The following QRFPR variants were observed in gnomAD, a reference collection of about 807,000 sequenced individuals.
The protein encoded by QRFPR is pyroglutamylated RFamide peptide receptor, also known as pyroglutamylated RF-amide peptide receptor.
A neutral mutation model predicts 31.3 loss-of-function variants in QRFPR; 37 were observed. The observed-to-expected ratio is 1.18, with a 90% CI of 0.91 to 1.56. The LOEUF is 1.56. Ranked by LOEUF, QRFPR falls within the 40% of genes most tolerant of loss-of-function variation. The pLI is 0.00. For synonymous variants in QRFPR, 197 were observed against 192.0 expected, an observed-to-expected ratio of 1.03 and a Z score of -0.22; for missense variants, 542 against 532.5, an observed-to-expected ratio of 1.02 and a Z score of -0.18.
chr4:121,378,560 C>T (rs1253409845), intron 1 of QRFPR, among the ~76,000 whole-genome samples: 3 of 151,860 alleles, frequency 2.0e-5, no homozygotes, highest in African/African-American at 2.4e-5. Flanking sequence ...ACTATAGGTG[C>T]GTGCCACGAT....
chr4:121,332,780 T>C, intron 4 of QRFPR, 41 bp downstream of exon 4: 1 of 1,472,358 alleles, frequency 6.8e-7, no homozygotes, highest in Non-Finnish European at 9.4e-7. Flanking sequence ...GCACAATTAA[T>C]TAAAAATAAT....
intron 1 of QRFPR, among the ~76,000 whole-genome samples, chr4:121,357,353 G>T (rs561746319): frequency 6.6e-6 from 1 of 152,096 alleles, no homozygotes; most frequent in East Asian, 1.9e-4. Context: ...AGTCAAGAAC[G>T]TAGGGGGTGG....
intron 1 of QRFPR, among the ~76,000 whole-genome samples, chr4:121,345,228 G>C (rs1482148416): frequency 6.6e-6 from 1 of 152,192 alleles, no homozygotes; most frequent in Non-Finnish European, 1.5e-5. Context: ...ATGGAAGAGA[G>C]GTTTGGGATG....
chr4:121,369,564 G>A (rs56778757), intron 1 of QRFPR: 25,603 of 1,609,948 alleles, frequency 0.016, 523 homozygotes, highest in East Asian at 0.11. Context: ...TCAGCCATTC[G>A]GTTGGCCTGG....
intron 1 of QRFPR, among the ~76,000 whole-genome samples, chr4:121,378,176 C>G (rs1726392379): frequency 6.6e-6 from 1 of 152,190 alleles, no homozygotes. Context: ...TACTAACACA[C>G]TTTATTCTCA....
At chr4:121,365,830 C>G (rs968572383) in intron 1 of QRFPR, among the ~76,000 whole-genome samples, 3 of 141,784 alleles carry the variant, frequency 2.1e-5, no homozygotes, top group Admixed American at 1.4e-4. Context: ...TTTTTTAAAA[C>G]CAAGCATGTA....
At chr4:121,359,426 G>A (rs1381864415) in intron 1 of QRFPR, among the ~76,000 whole-genome samples, 1 of 151,978 alleles carries the variant, frequency 6.6e-6, no homozygotes, top group Non-Finnish European at 1.5e-5. Context: ...TATAAAGCAG[G>A]CAGAAAAAAC....
At position 121,340,614 on chromosome 4, in the gene QRFPR, C is replaced by T. The variant is rs750332547; in HGVS notation, c.341-4G>A. ...ACCATCTTGCAAATGAAAGCACCTG[C>T]AGTAAGGAAATAGGACAAATCATAC... On this transcript the variant is annotated splice_region_variant and splice_polypyrimidine_tract_variant and intron_variant, in intron 1 of 5. Coordinates refer to ENST00000394427, the MANE Select transcript of QRFPR (RefSeq NM_198179.3). The T allele has an allele frequency of 6.2e-7, 1 of 1,612,506 alleles. No homozygotes were observed. Among genetic ancestry groups the T allele is most frequent in the African/African-American group, 1.3e-5 (1 of 74,832 alleles).
In QRFPR at chr4:121,329,510, A is replaced by T. The variant is rs1404226240; in HGVS notation, c.1100T>A (p.Ile367Asn). ...SPAQRHGNSG[I>N]TMMRKKAKFS... ...CTTTGCTTTCTTCCGCATCATTGTAATTCCTGAATTTCCATGCCTTTGTGC... is the reference window on the plus strand; with the variant it reads ...CTTTGCTTTCTTCCGCATCATTGTATTTCCTGAATTTCCATGCCTTTGTGC... Residue 367 changes from isoleucine to asparagine, a missense_variant, in exon 6 of 6, where the codon ATT (isoleucine) becomes AAT (asparagine). Physicochemically the swap from Ile to Asn is moderately radical, Grantham distance 149. Transcript: ENST00000394427. 1 of 1,613,974 alleles carries T rather than the reference A, an allele frequency of 6.2e-7. No individual in the cohort carries two copies. The highest frequency in any genetic ancestry group is 1.1e-5 in the South Asian group (1 of 91,084).
At chr4:121,375,725 T>A (rs1726339066) in intron 1 of QRFPR, among the ~76,000 whole-genome samples, 1 of 152,180 alleles carries the variant, frequency 6.6e-6, no homozygotes, top group African/African-American at 2.4e-5. Context: ...AGAGGTTGCA[T>A]GCTAAGCTTC....
intron 1 of QRFPR, among the ~76,000 whole-genome samples, chr4:121,359,263 C>T (rs1473548833): frequency 6.6e-6 from 1 of 152,168 alleles, no homozygotes; most frequent in Non-Finnish European, 1.5e-5. Flanking sequence ...ATGGTTAATA[C>T]TGTCAACTTG....
At chr4:121,348,958 G>T (rs1388704775) in intron 1 of QRFPR, among the ~76,000 whole-genome samples, 2 of 152,090 alleles carry the variant, frequency 1.3e-5, no homozygotes, top group African/African-American at 2.4e-5. Context: ...TTAGCCAGGA[G>T]TGGTGGCAGG....
chr4:121,348,140 T>TATG (rs1275483926), intron 1 of QRFPR, among the ~76,000 whole-genome samples: 1 of 152,102 alleles, frequency 6.6e-6, no homozygotes, highest in African/African-American at 2.4e-5. Flanking sequence ...GAATCATGGG[T>TATG]CCATCACTTG....
chr4:121,350,056 G>A (rs1404294469), intron 1 of QRFPR, among the ~76,000 whole-genome samples: 1 of 152,166 alleles, frequency 6.6e-6, no homozygotes, highest in African/African-American at 2.4e-5. Context: ...TATTGTCAAG[G>A]CCTATGGAAA....
intron 1 of QRFPR, among the ~76,000 whole-genome samples, chr4:121,376,640 C>A (rs1257144947): frequency 6.6e-6 from 1 of 150,966 alleles, no homozygotes; most frequent in Non-Finnish European, 1.5e-5. Context: ...TTTAAGATAA[C>A]AACATGATGT....
Position 121,365,583 on chromosome 4 carries a change from ATATATATTATATATATATAATATATATAT to A in QRFPR, c.340+14696_340+14724del, listed in dbSNP as rs1560743884. Among the ~76,000 whole-genome samples the A allele has an allele frequency of 2.4e-3, 7 of 2,918 alleles. 3 individuals are homozygous for A. Among genetic ancestry groups the A allele is most frequent in the African/African-American group, 0.011 (7 of 656 alleles). The allele number at this position is 2,918 out of a possible 152,430, so 1.9% of individuals were successfully genotyped here. A position where few individuals can be genotyped will look rare whatever the true frequency, so the allele number is the denominator to read the frequency against. On this transcript the variant is annotated intron_variant, in intron 1 of 5. Transcript: ENST00000394427. ...ATATATATTATATATAATATATATTATATATATTATATATATATAATATATATATTATATATATTATATATTATATATAT... is the reference window on the plus strand; with the variant it reads ...ATATATATTATATATAATATATATTATATATATATTATATATTATATATAT...
chr4:121,344,790 A>G (rs1338632113), intron 1 of QRFPR, among the ~76,000 whole-genome samples: 1 of 152,096 alleles, frequency 6.6e-6, no homozygotes, highest in Non-Finnish European at 1.5e-5. Context: ...TTGTTCTGGT[A>G]ATCTCTCTGT....
chr4:121,355,040 T>C (rs1725839118), intron 1 of QRFPR, among the ~76,000 whole-genome samples: 1 of 152,112 alleles, frequency 6.6e-6, no homozygotes, highest in Admixed American at 6.5e-5. Flanking sequence ...CTTTTTTCGT[T>C]GTGTCTTTGC....
intron 1 of QRFPR, among the ~76,000 whole-genome samples, chr4:121,365,584 T>TATA (rs1560743886): frequency 0.013 from 39 of 3,048 alleles, 1 homozygote; most frequent in Admixed American, 0.025. Context: ...ATATATATTA[T>TATA]ATATATTATA....
Sources: gnomAD v4.1 joint callset for allele counts (sites outside exome capture counted in the v4.1 genomes callset) on GRCh38, gnomAD v4.1.1 for gene constraint, MANE v1.5 for transcripts, NCBI Gene and HGNC (gene_info 2026-07-23, HGNC 2026-07-21) for gene names.